Variants in TSHZ2 observed in about 807,000 individuals in gnomAD.
TSHZ2 encodes the protein teashirt zinc finger homeobox 2, also known as teashirt homolog 2.
In TSHZ2, 21 loss-of-function variants were observed where a neutral mutation model predicts 74.4. The observed-to-expected ratio is 0.28, with a 90% CI of 0.20 to 0.41. The LOEUF (loss-of-function observed/expected upper bound fraction) is 0.41, where lower values mean the gene tolerates loss of function less well. Among genes scored for constraint, TSHZ2 ranks in the 10% least tolerant of loss-of-function variants. The pLI is 1.00. For missense variants in TSHZ2, 1,244 were observed against 1,293.5 expected, an observed-to-expected ratio of 0.96 and a Z score of 0.59; for synonymous variants, 540 against 515.3, an observed-to-expected ratio of 1.05 and a Z score of -0.65.
intron 1 of TSHZ2, among the ~76,000 whole-genome samples, chr20:53,008,997 C>G (rs978055080): frequency 3.7e-4 from 21 of 56,940 alleles, no homozygotes; most frequent in Non-Finnish European, 8.4e-4. Flanking sequence ...CTCTCTCTCT[C>G]TCTCTCTCTC....
chr20:53,004,968 G>A (rs1302467103), intron 1 of TSHZ2, among the ~76,000 whole-genome samples: 1 of 152,094 alleles, frequency 6.6e-6, no homozygotes, highest in East Asian at 1.9e-4. Flanking sequence ...ATAGAATCGT[G>A]GGAGTCATCC....
At chr20:53,078,714 G>A (rs1339128441) in intron 1 of TSHZ2, among the ~76,000 whole-genome samples, 1 of 152,206 alleles carries the variant, frequency 6.6e-6, no homozygotes, top group Non-Finnish European at 1.5e-5. Flanking sequence ...GGCAGCAATA[G>A]AGATGTAGAG....
intron 1 of TSHZ2, among the ~76,000 whole-genome samples, chr20:53,081,109 G>C (rs1419123091): frequency 6.6e-6 from 1 of 152,248 alleles, no homozygotes; most frequent in Non-Finnish European, 1.5e-5. Flanking sequence ...TCAAACTGCT[G>C]GGCTCAAGCA....
chr20:53,285,143 G>C (rs1991140710), intron 2 of TSHZ2, among the ~76,000 whole-genome samples: 1 of 152,064 alleles, frequency 6.6e-6, no homozygotes, highest in African/African-American at 2.4e-5. Context: ...TTAAGAACTG[G>C]GAAAATGTGC....
chr20:53,242,287 G>C (rs1990088752), intron 1 of TSHZ2, among the ~76,000 whole-genome samples: 1 of 152,030 alleles, frequency 6.6e-6, no homozygotes. Flanking sequence ...CTCAAACGTT[G>C]TCCCATGTCC....
chr20:53,400,365 T>C (rs1982611669), intron 2 of TSHZ2: 1 of 152,294 alleles, frequency 6.6e-6, no homozygotes, highest in Non-Finnish European at 1.5e-5. Flanking sequence ...TCTTCCACTG[T>C]TCCGACACAG....
intron 1 of TSHZ2, among the ~76,000 whole-genome samples, chr20:53,126,033 A>G (rs1986939150): frequency 1.3e-5 from 2 of 151,872 alleles, no homozygotes; most frequent in South Asian, 2.1e-4. Context: ...GTTGTGTTTT[A>G]AATGCACATT....
intron 2 of TSHZ2, among the ~76,000 whole-genome samples, chr20:53,424,820 G>T (rs1255872924): frequency 6.6e-6 from 1 of 152,098 alleles, no homozygotes; most frequent in African/African-American, 2.4e-5. Flanking sequence ...ACAGTGTTTG[G>T]TTTTCTGCTT....
chr20:53,047,514 T>A (rs1569810), intron 1 of TSHZ2, among the ~76,000 whole-genome samples: 2 of 151,960 alleles, frequency 1.3e-5, no homozygotes, highest in Admixed American at 6.6e-5. Context: ...AAATATTACC[T>A]CCACTGACAG....
In TSHZ2 at chr20:53,418,139, T is replaced by C. The variant is rs528435015; in HGVS notation, c.*9-69005T>C. Among the ~76,000 whole-genome samples the C allele has an allele frequency of 2.0e-5, 3 of 152,330 alleles. No homozygotes were observed. In the South Asian group the frequency reaches 6.2e-4, roughly 32 times the overall value. ...GAGGGAATATTTAAGCAGAGGTCTA[T>C]ATGATTCAAAACAGCCTGCTGAGAG... On this transcript the variant is annotated intron_variant, in intron 2 of 2. Transcript: ENST00000371497.
intron 1 of TSHZ2, among the ~76,000 whole-genome samples, chr20:53,245,671 G>C (rs1990185251): frequency 6.6e-6 from 1 of 152,202 alleles, no homozygotes; most frequent in African/African-American, 2.4e-5. Flanking sequence ...GGGGCTGAGA[G>C]CCTGCATTTC....
At chr20:52,978,517 A>G (rs148998234) in intron 1 of TSHZ2, among the ~76,000 whole-genome samples, 1 of 152,236 alleles carries the variant, frequency 6.6e-6, no homozygotes, top group Non-Finnish European at 1.5e-5. Flanking sequence ...CCTTTAAAAA[A>G]ACACAGAAAT....
chr20:53,192,815 G>A (rs1988770658), intron 1 of TSHZ2, among the ~76,000 whole-genome samples: 1 of 152,132 alleles, frequency 6.6e-6, no homozygotes, highest in Non-Finnish European at 1.5e-5. Context: ...TTCATCATTG[G>A]GCAATTTTTC....
At chr20:52,983,909 C>A (rs1006557673) in intron 1 of TSHZ2, among the ~76,000 whole-genome samples, 1 of 152,222 alleles carries the variant, frequency 6.6e-6, no homozygotes, top group Non-Finnish European at 1.5e-5. Context: ...GTCCCTCCCC[C>A]ACGGGGAACC....
chr20:53,071,470 G>A (rs1011237263), intron 1 of TSHZ2, among the ~76,000 whole-genome samples: 2 of 152,200 alleles, frequency 1.3e-5, no homozygotes, highest in Admixed American at 6.5e-5. Flanking sequence ...ACACACTGAC[G>A]TTTTAAGTTA....
intron 1 of TSHZ2, among the ~76,000 whole-genome samples, chr20:53,046,666 G>A (rs1984240000): frequency 6.6e-6 from 1 of 151,904 alleles, no homozygotes; most frequent in South Asian, 2.1e-4. Context: ...AAAACCCTGG[G>A]AACTCAGCCC....
At chr20:53,296,696 A>C (rs1991387180) in intron 2 of TSHZ2, among the ~76,000 whole-genome samples, 1 of 152,160 alleles carries the variant, frequency 6.6e-6, no homozygotes, top group South Asian at 2.1e-4. Context: ...TTTTGGTCCA[A>C]GGCTAAGGTT....
In TSHZ2 at chr20:53,008,557, C is replaced by CT. The variant is rs34485556; in HGVS notation, c.40+35238dup. Among the ~76,000 whole-genome samples, 579 of 145,970 alleles carry CT rather than the reference C, an allele frequency of 4.0e-3. 3 individuals are homozygous for CT. The highest frequency in any genetic ancestry group is 9.6e-3 in the South Asian group (44 of 4,560). On this transcript the variant is annotated intron_variant, in intron 1 of 2. Transcript: ENST00000371497. Reference sequence around the variant, plus strand: ...AAAATTAAGAAAGGATTATAATCACCTTTTTTTTTTTTTTACGGGAATTGA... The same window carrying CT: ...AAAATTAAGAAAGGATTATAATCACCTTTTTTTTTTTTTTTACGGGAATTGA...
intron 1 of TSHZ2, among the ~76,000 whole-genome samples, chr20:53,050,151 A>ATATAAATATATATGTGTATATATG (rs1984401161): frequency 1.0e-5 from 1 of 95,952 alleles, no homozygotes; most frequent in African/African-American, 3.2e-5. Context: ...GTATATATAT[A>ATATAAATATATATGTGTATATATG]TACACATATA....
Sources: allele counts gnomAD v4.1 joint callset (sites outside exome capture counted in the v4.1 genomes callset), GRCh38; gene constraint gnomAD v4.1.1; transcripts MANE v1.5; gene names NCBI Gene and HGNC (gene_info 2026-07-23, HGNC 2026-07-21).